The following RUNX2 variants were observed in gnomAD, a reference collection of about 807,000 sequenced individuals.
RUNX2 encodes runt-related transcription factor 2.
Under a neutral mutation model 51.7 loss-of-function variants are expected in RUNX2, and 10 were observed. That is an observed-to-expected ratio of 0.19 (90% CI 0.12 to 0.33). The LOEUF (loss-of-function observed/expected upper bound fraction) is 0.33. Ranked by LOEUF, RUNX2 falls within the 10% of genes least tolerant of loss-of-function variation. The pLI is 1.00. For synonymous variants in RUNX2, 276 were observed against 273.6 expected, an observed-to-expected ratio of 1.01 and a Z score of -0.09; for missense variants, 562 against 691.3, an observed-to-expected ratio of 0.81 and a Z score of 2.10.
At chr6:45,378,431 G>C (rs747813559) in intron 2 of RUNX2, among the ~76,000 whole-genome samples, 1 of 152,174 alleles carries the variant, frequency 6.6e-6, no homozygotes, top group African/African-American at 2.4e-5. Flanking sequence ...GAAACGGAGG[G>C]GTCTGAACGC....
In RUNX2 at chr6:45,547,838, A is replaced by G. The variant is rs1190001262; in HGVS notation, c.*533A>G. 6.3e-6 allele frequency: 1 copy of G among 159,156 alleles called. No individual in the cohort carries two copies. The highest frequency in any genetic ancestry group is 1.4e-5 in the Non-Finnish European group (1 of 72,300). 9.9% of individuals were successfully genotyped at this position (159,156 alleles called of 1,614,324 possible). A position where few individuals can be genotyped will look rare whatever the true frequency, so the allele number is the denominator to read the frequency against. ...CATCACAGTACCATCATTCAGAATA[A>G]CTCTTCCAATTTCTGCTTTCAGACA... On this transcript the variant is annotated 3_prime_UTR_variant, in exon 9 of 9. Coordinates refer to ENST00000647337, the MANE Select transcript of RUNX2 (RefSeq NM_001024630.4).
chr6:45,501,495 C>T (rs1339707447), intron 6 of RUNX2, among the ~76,000 whole-genome samples: 1 of 152,152 alleles, frequency 6.6e-6, no homozygotes, highest in African/African-American at 2.4e-5. Flanking sequence ...TGGAAAGGTC[C>T]CTTCTAATCC....
intron 1 of RUNX2, 92 bp from the exon 2 acceptor site, chr6:45,328,569 A>G: frequency 2.5e-6 from 4 of 1,580,002 alleles, no homozygotes; most frequent in Non-Finnish European, 3.4e-6. Context: ...CAGCTACATA[A>G]TTTCTTGACA....
At position 45,402,498 on chromosome 6, in the gene RUNX2, G is replaced by A. The variant is rs543212890; in HGVS notation, c.59-20095G>A. On this transcript the variant is annotated intron_variant, in intron 2 of 8. Transcript: ENST00000647337. ...AACAAATATTTTAGGAATTTTTATA[G>A]AGCTTCCTATAACATGCCAAAAGAT... Among the ~76,000 whole-genome samples, 5 of 152,144 alleles carry A rather than the reference G, an allele frequency of 3.3e-5. No homozygotes were observed. The South Asian group carries it at 1.0e-3, about 32-fold the overall frequency.
intron 2 of RUNX2, among the ~76,000 whole-genome samples, chr6:45,393,927 C>CT (rs758226180): frequency 0.09 from 12,589 of 139,748 alleles, 709 homozygotes; most frequent in South Asian, 0.18. Flanking sequence ...GTGCCACTTT[C>CT]TTTTTTTTTT....
chr6:45,544,976 G>C (rs1387278174), intron 7 of RUNX2, among the ~76,000 whole-genome samples: 2 of 152,182 alleles, frequency 1.3e-5, no homozygotes, highest in African/African-American at 4.8e-5. Flanking sequence ...GAGAGTGACT[G>C]CCTGGGCTGT....
At position 45,411,810 on chromosome 6, in the gene RUNX2, T is replaced by C. The variant is rs146563247; in HGVS notation, c.59-10783T>C. Among the ~76,000 whole-genome samples the C allele has an allele frequency of 8.3e-3, 1,267 of 152,106 alleles. 17 individuals carry two copies. Among genetic ancestry groups the C allele is most frequent in the African/African-American group, 0.029 (1,208 of 41,498 alleles). Reference sequence around the variant, plus strand: ...TAAGGGTAAACACCAGTGAAGCAAGTTAAAAACAGAATAAATAAAAAAACT... The same window carrying C: ...TAAGGGTAAACACCAGTGAAGCAAGCTAAAAACAGAATAAATAAAAAAACT... On this transcript the variant is annotated intron_variant, in intron 2 of 8. Coordinates refer to ENST00000647337, the MANE Select transcript of RUNX2 (RefSeq NM_001024630.4).
chr6:45,535,895 T>A (rs1802019744), intron 7 of RUNX2, among the ~76,000 whole-genome samples: 1 of 151,472 alleles, frequency 6.6e-6, no homozygotes, highest in Admixed American at 6.6e-5. Context: ...GATTATAGAG[T>A]TCATGGAAGT....
intron 4 of RUNX2, 68 bp downstream of exon 4, chr6:45,432,087 T>A (rs750736445): frequency 8.6e-5 from 121 of 1,412,396 alleles, no homozygotes; most frequent in Non-Finnish European, 2.2e-5. Context: ...AAATGTAGAC[T>A]AGTCTGTATA....
intron 5 of RUNX2, among the ~76,000 whole-genome samples, chr6:45,452,100 A>G (rs1041697681): frequency 6.6e-6 from 1 of 152,192 alleles, no homozygotes; most frequent in African/African-American, 2.4e-5. Context: ...TGTTAGAAAA[A>G]CCCACGTTCA....
At chr6:45,517,833 A>G (rs544231394) in intron 7 of RUNX2, among the ~76,000 whole-genome samples, 1 of 152,288 alleles carries the variant, frequency 6.6e-6, no homozygotes, top group African/African-American at 2.4e-5. Flanking sequence ...TGAGTACTCA[A>G]GGTCTGTCAG....
intron 7 of RUNX2, among the ~76,000 whole-genome samples, chr6:45,525,905 T>C (rs1247126485): frequency 2.0e-5 from 3 of 152,004 alleles, no homozygotes; most frequent in African/African-American, 7.2e-5. Flanking sequence ...GGTGGGAGGA[T>C]TGCTTGAGCC....
chr6:45,547,398 C>A lies in RUNX2; in HGVS notation c.*93C>A. 2 of 1,033,204 alleles carry A rather than the reference C, an allele frequency of 1.9e-6. No homozygotes were observed. The highest frequency in any genetic ancestry group is 1.3e-5 in the South Asian group (1 of 77,888). The allele number at this position is 1,033,204 out of a possible 1,614,324, so 64.0% of individuals were successfully genotyped here. ...AGAGAGAGTGCATATATATGTATAT[C>A]GATTAGCTATCTACAAAGTGCCTAT... On this transcript the variant is annotated 3_prime_UTR_variant, in exon 9 of 9. Coordinates refer to ENST00000647337, the MANE Select transcript of RUNX2 (RefSeq NM_001024630.4).
chr6:45,352,040 C>A (rs1321165132), intron 2 of RUNX2, among the ~76,000 whole-genome samples: 1 of 152,186 alleles, frequency 6.6e-6, no homozygotes, highest in Admixed American at 6.5e-5. Flanking sequence ...GCCATCCCAA[C>A]CAGCTGTCTT....
intron 2 of RUNX2, among the ~76,000 whole-genome samples, chr6:45,409,195 G>C (rs561495967): frequency 6.6e-6 from 1 of 152,114 alleles, no homozygotes; most frequent in African/African-American, 2.4e-5. Context: ...TATTGGAATG[G>C]AGACTTGTCT....
intron 3 of RUNX2, among the ~76,000 whole-genome samples, chr6:45,428,838 CT>C (rs66878438): frequency 0.044 from 5,798 of 130,980 alleles, 137 homozygotes; most frequent in Non-Finnish European, 0.066. Flanking sequence ...GGGCAGATTG[CT>C]TTTTTTTTTT....
intron 5 of RUNX2, among the ~76,000 whole-genome samples, chr6:45,452,861 T>C (rs1363128718): frequency 2.0e-5 from 3 of 152,168 alleles, no homozygotes; most frequent in African/African-American, 7.2e-5. Flanking sequence ...AGAAAGCCTA[T>C]TTTTCTTTCC....
At chr6:45,425,893 T>TAC (rs71792619) in intron 3 of RUNX2, among the ~76,000 whole-genome samples, 26,123 of 150,914 alleles carry the variant, frequency 0.17, 2,713 homozygotes, top group Non-Finnish European at 0.25. Flanking sequence ...AACACACACA[T>TAC]ACACACACAC....
At chr6:45,479,026 T>G (rs1262996646) in intron 5 of RUNX2, among the ~76,000 whole-genome samples, 1 of 152,116 alleles carries the variant, frequency 6.6e-6, no homozygotes, top group Non-Finnish European at 1.5e-5. Flanking sequence ...TAGCTGAGAT[T>G]AAGGTGCACG....
Sources: allele counts gnomAD v4.1 joint callset (sites outside exome capture counted in the v4.1 genomes callset), GRCh38; gene constraint gnomAD v4.1.1; transcripts MANE v1.5; gene names NCBI Gene and HGNC (gene_info 2026-07-23, HGNC 2026-07-21).